The following HERC1 variants were observed in gnomAD, a reference collection of about 807,000 sequenced individuals.
HERC1 encodes HECT and RLD domain containing E3 ubiquitin protein ligase family member 1.
Under a neutral mutation model 554.3 loss-of-function variants are expected in HERC1, and 160 were observed. That is an observed-to-expected ratio of 0.29 (90% CI 0.25 to 0.33). HERC1 has a LOEUF of 0.33. Ranked by LOEUF, HERC1 falls within the 10% of genes least tolerant of loss-of-function variation. The pLI is 1.00. For synonymous variants in HERC1, 2,175 were observed against 2,131.7 expected (o/e 1.02, Z -0.56); for missense variants, 4,919 against 5,918.5 (o/e 0.83, Z 5.54).
At chr15:63,728,849 T>C (rs1016943138) in intron 16 of HERC1, among the ~76,000 whole-genome samples, 6 of 148,792 alleles carry the variant, frequency 4.0e-5, no homozygotes, top group African/African-American at 1.5e-4. Context: ...AAAAGGACTG[T>C]GACTACACAG....
chr15:63,673,524 A>G (rs894660140), intron 38 of HERC1, among the ~76,000 whole-genome samples: 1 of 152,320 alleles, frequency 6.6e-6, no homozygotes, highest in Admixed American at 6.5e-5. Flanking sequence ...GAACCTAAGA[A>G]AGTACCCAAC....
In HERC1 at chr15:63,764,145, G is replaced by C. The variant is rs370923299; in HGVS notation, c.977C>G (p.Ser326Trp). 1 of 1,611,302 alleles carries C rather than the reference G, an allele frequency of 6.2e-7. No individual in the cohort carries two copies. Among genetic ancestry groups the C allele is most frequent in the Non-Finnish European group, 8.5e-7 (1 of 1,178,776 alleles). The change falls in exon 3 of 78, where the codon TCG becomes TGG. Residue 326 changes from serine to tryptophan, a missense_variant. By Grantham distance (177) the Ser-to-Trp change is radical. Transcript: ENST00000443617. Reference protein sequence around the residue: ...RSQWREPTRTSDGLCSLYEAA... With the variant: ...RSQWREPTRTWDGLCSLYEAA... ...CTCGTAAAGGGAGCACAAGCCATCC[G>C]ATGTTCTGGTTGGTTCTCTCCACTG... is the stretch of plus-strand genomic sequence containing the variant.
chr15:63,809,738 T>C (rs1383457807), intron 1 of HERC1, among the ~76,000 whole-genome samples: 1 of 150,658 alleles, frequency 6.6e-6, no homozygotes, highest in Non-Finnish European at 1.5e-5. Flanking sequence ...AGAAACAAAG[T>C]ACTGTTTAAA....
At chr15:63,685,704 T>A (rs2071720651) in intron 34 of HERC1, among the ~76,000 whole-genome samples, 1 of 152,164 alleles carries the variant, frequency 6.6e-6, no homozygotes. Context: ...TTACTGTATA[T>A]ATACCATGCC....
chr15:63,659,655 TTTATTA>T (rs1384849787), intron 47 of HERC1, 75 bp downstream of exon 47: 19 of 947,902 alleles, frequency 2.0e-5, no homozygotes, highest in Non-Finnish European at 2.8e-5. Flanking sequence ...TTACTTTTAC[TTTATTA>T]TTATTATTTA....
At chr15:63,770,830 G>A (rs1370177008) in intron 2 of HERC1, among the ~76,000 whole-genome samples, 1 of 152,104 alleles carries the variant, frequency 6.6e-6, no homozygotes, top group Non-Finnish European at 1.5e-5. Context: ...GTCAGGTTGG[G>A]GTCTAGTGTA....
At position 63,629,683 on chromosome 15, in the gene HERC1, G is replaced by A. The variant is rs566265629; in HGVS notation, c.12966+783C>T. On this transcript the variant is annotated intron_variant, in intron 69 of 77. Transcript: ENST00000443617. ...TCAGTAAGAGTGCAACCACAATGAC[G>A]AGCAGCTTCCTTGTCTGTTAATGCA... Among the ~76,000 whole-genome samples, 6 of 152,278 alleles carry A rather than the reference G, an allele frequency of 3.9e-5. No homozygotes were observed. The South Asian group carries it at 6.2e-4, about 16-fold the overall frequency.
intron 1 of HERC1, among the ~76,000 whole-genome samples, chr15:63,781,274 T>C (rs146876346): frequency 6.6e-6 from 1 of 152,232 alleles, no homozygotes; most frequent in African/African-American, 2.4e-5. Context: ...GACTTTACTG[T>C]GCTGTACAGA....
intron 31 of HERC1, 67 bp from the exon 32 acceptor site, chr15:63,690,714 G>T: frequency 9.9e-7 from 1 of 1,006,394 alleles, no homozygotes; most frequent in South Asian, 1.4e-5. Flanking sequence ...TGAACTTCTG[G>T]GAAAAAAATT....
chr15:63,762,545 G>A (rs186610181), intron 3 of HERC1, among the ~76,000 whole-genome samples: 16 of 152,056 alleles, frequency 1.1e-4, no homozygotes, highest in African/African-American at 3.4e-4. Context: ...GGCTGGTCTC[G>A]AACTCCTGAC....
chr15:63,715,236 T>G (rs1567044514), intron 22 of HERC1, among the ~76,000 whole-genome samples: 1 of 152,224 alleles, frequency 6.6e-6, no homozygotes, highest in Non-Finnish European at 1.5e-5. Context: ...GCAAAGAACT[T>G]GACCAGTGCC....
At chr15:63,730,247 G>C (rs2074233754) in intron 14 of HERC1, among the ~76,000 whole-genome samples, 2 of 151,650 alleles carry the variant, frequency 1.3e-5, no homozygotes, top group South Asian at 4.2e-4. Flanking sequence ...CTGAGGTCAG[G>C]AGTTCAAGAC....
Position 63,729,373 on chromosome 15 carries a change from G to C in HERC1, c.3022-5C>G. ...CAATGCCACACTGCTTGAGTTCTAA[G>C]AAGAAAAAAAGTTCCTAAATTACTA... On this transcript the variant is annotated splice_polypyrimidine_tract_variant and splice_region_variant and intron_variant, in intron 15 of 77. Coordinates refer to ENST00000443617, the MANE Select transcript of HERC1 (RefSeq NM_003922.4). 6.3e-7 allele frequency: 1 copy of C among 1,592,916 alleles called. No homozygotes were observed. Among genetic ancestry groups the C allele is most frequent in the Non-Finnish European group, 8.5e-7 (1 of 1,173,062 alleles).
intron 1 of HERC1, among the ~76,000 whole-genome samples, chr15:63,782,977 C>T (rs900502910): frequency 1.4e-4 from 22 of 152,142 alleles, no homozygotes; most frequent in East Asian, 3.8e-4. Context: ...AAAATTTTAA[C>T]GGATGAGGAG....
intron 2 of HERC1, among the ~76,000 whole-genome samples, chr15:63,765,515 G>GA (rs1177888691): frequency 1.3e-5 from 2 of 152,062 alleles, no homozygotes; most frequent in Admixed American, 1.3e-4. Flanking sequence ...AGTCTAAAAA[G>GA]AAACATTTAC....
intron 2 of HERC1, among the ~76,000 whole-genome samples, chr15:63,766,738 C>T (rs536058932): frequency 3.9e-5 from 6 of 152,320 alleles, no homozygotes; most frequent in African/African-American, 1.2e-4. Context: ...AGTGCAATGG[C>T]ACGATCTCGG....
At chr15:63,712,730 C>T (rs781000414) in intron 24 of HERC1, 45 bp downstream of exon 24, 20 of 1,588,172 alleles carry the variant, frequency 1.3e-5, no homozygotes, top group Middle Eastern at 1.7e-4. Flanking sequence ...ATATCATATA[C>T]CTTGAAAACA....
chr15:63,763,872 A>C (rs1017991577), intron 3 of HERC1, among the ~76,000 whole-genome samples: 3 of 152,202 alleles, frequency 2.0e-5, no homozygotes, highest in South Asian at 4.1e-4. Context: ...TTACCAGCAC[A>C]TAATTCAAAA....
rs2067816810 is a variant in HERC1, at chr15:63,616,333, C to A, written c.13941+97G>T. ...GATATGGCATTGTTCAGCCAGACAG[C>A]AAGTGGAAGACTGTATCTCAATTTT... On this transcript the variant is annotated intron_variant, in intron 75 of 77. Coordinates refer to ENST00000443617, the MANE Select transcript of HERC1 (RefSeq NM_003922.4). 6 of 1,290,796 alleles carry A rather than the reference C, an allele frequency of 4.6e-6. No homozygotes were observed. The East Asian group carries it at 1.4e-4, about 30-fold the overall frequency. 80.0% of individuals were successfully genotyped at this position (1,290,796 alleles called of 1,614,324 possible).
Sources: allele counts gnomAD v4.1 joint callset (sites outside exome capture counted in the v4.1 genomes callset), GRCh38; gene constraint gnomAD v4.1.1; transcripts MANE v1.5; gene names NCBI Gene and HGNC (gene_info 2026-07-23, HGNC 2026-07-21).